Variants in FAM13B observed in about 807,000 individuals in gnomAD.
FAM13B encodes family with sequence similarity 13 member B.
In FAM13B, 60 loss-of-function variants were observed where a neutral mutation model predicts 117.3. That is an observed-to-expected ratio of 0.51 (90% CI 0.42 to 0.63). FAM13B has a LOEUF of 0.63. FAM13B is among the 30% of genes least tolerant of loss of function. The pLI is 0.00. For synonymous variants in FAM13B, 332 were observed against 356.1 expected, an observed-to-expected ratio of 0.93 and a Z score of 0.76; for missense variants, 972 against 1,091.9, an observed-to-expected ratio of 0.89 and a Z score of 1.55.
intron 17 of FAM13B, among the ~76,000 whole-genome samples, chr5:137,951,144 A>C (rs925730918): frequency 2.1e-5 from 3 of 145,456 alleles, no homozygotes; most frequent in African/African-American, 7.5e-5. Flanking sequence ...CGGGAGGTGG[A>C]AGCTGCAATG....
At position 137,940,069 on chromosome 5, in the gene FAM13B, C is replaced by T. The variant is rs1396201574; in HGVS notation, c.*156G>A. Reference sequence around the variant, plus strand: ...TCCCTTGAGAGGGCCTACTTACTCTCCCATCATTTGTTTTGTTTAGTGGCA... The same window carrying T: ...TCCCTTGAGAGGGCCTACTTACTCTTCCATCATTTGTTTTGTTTAGTGGCA... On this transcript the variant is annotated 3_prime_UTR_variant, in exon 24 of 24. Coordinates refer to ENST00000689681, the MANE Select transcript of FAM13B (RefSeq NM_001385994.1). 6.2e-7 allele frequency: 1 copy of T among 1,614,070 alleles called. No homozygotes were observed. Among genetic ancestry groups the T allele is most frequent in the Non-Finnish European group, 8.5e-7 (1 of 1,179,964 alleles).
chr5:137,969,813 G>A (rs1435647519), intron 10 of FAM13B, among the ~76,000 whole-genome samples: 1 of 152,220 alleles, frequency 6.6e-6, no homozygotes, highest in Admixed American at 6.5e-5. Flanking sequence ...CGTGAAGAAT[G>A]CAGAAGCCTC....
chr5:137,983,193 A>T (rs1377738667), intron 10 of FAM13B, among the ~76,000 whole-genome samples: 2 of 15,820 alleles, frequency 1.3e-4, no homozygotes, highest in Non-Finnish European at 4.1e-4. Flanking sequence ...AAAAAAAAAA[A>T]AAAAAAAAAA....
At chr5:137,977,713 G>A (rs1193615499) in intron 10 of FAM13B, among the ~76,000 whole-genome samples, 2 of 152,138 alleles carry the variant, frequency 1.3e-5, no homozygotes, top group African/African-American at 4.8e-5. Context: ...CAAAACTTGT[G>A]CAAAAGGCAT....
chr5:138,046,871 G>A (rs1012793597), intron 1 of FAM13B, among the ~76,000 whole-genome samples: 7 of 151,836 alleles, frequency 4.6e-5, no homozygotes, highest in African/African-American at 9.7e-5. Context: ...TCAGCCTCCC[G>A]AGTAGCTGGG....
At chr5:137,997,813 T>C (rs1258494481) in intron 7 of FAM13B, among the ~76,000 whole-genome samples, 2 of 152,194 alleles carry the variant, frequency 1.3e-5, no homozygotes, top group Non-Finnish European at 2.9e-5. Flanking sequence ...TTCAAAACCG[T>C]CTATGAAAGA....
chr5:138,010,625 T>C (rs1470422830), intron 6 of FAM13B, among the ~76,000 whole-genome samples: 1 of 152,164 alleles, frequency 6.6e-6, no homozygotes, highest in East Asian at 1.9e-4. Context: ...ACTTCAAATT[T>C]TTAAAAATGT....
intron 15 of FAM13B, 29 bp from the exon 16 acceptor site, chr5:137,953,494 T>TA (rs1765601555): frequency 1.1e-5 from 17 of 1,610,154 alleles, no homozygotes; most frequent in Middle Eastern, 1.7e-4. Flanking sequence ...CCAACACTGT[T>TA]AAATTTTCAA....
intron 1 of FAM13B, among the ~76,000 whole-genome samples, chr5:138,041,094 C>T (rs1288094181): frequency 6.7e-6 from 1 of 148,818 alleles, no homozygotes; most frequent in Non-Finnish European, 1.5e-5. Context: ...AAAGAAAAGA[C>T]ACTAATCTTC....
At position 137,959,683 on chromosome 5, in the gene FAM13B, C is replaced by A. The variant is rs763108921; in HGVS notation, c.1374G>T (p.Gly458=). ...GTGGAATACTGACACACGCTGCTTC[C>A]CCTTGAACACCAACACTCTGACCTC... is the stretch of plus-strand genomic sequence containing the variant. The part of the protein sequence containing the change: ...VPGGQSVGVQ[G]EAACVSIPHL... Residue 458 remains glycine (G), a synonymous_variant, in exon 13 of 24, where the codon GGG becomes GGT. Coordinates refer to ENST00000689681, the MANE Select transcript of FAM13B (RefSeq NM_001385994.1). The A allele has an allele frequency of 6.2e-7, 1 of 1,613,964 alleles. No homozygotes were observed. The highest frequency in any genetic ancestry group is 2.2e-5 in the East Asian group (1 of 44,874).
At chr5:138,001,467 T>C (rs1254638525) in intron 7 of FAM13B, among the ~76,000 whole-genome samples, 2 of 152,240 alleles carry the variant, frequency 1.3e-5, no homozygotes, top group Non-Finnish European at 2.9e-5. Flanking sequence ...ATATATGTAA[T>C]TTTAATCATA....
intron 1 of FAM13B, among the ~76,000 whole-genome samples, chr5:138,049,067 G>A (rs776632222): frequency 6.6e-6 from 1 of 150,422 alleles, no homozygotes; most frequent in African/African-American, 2.4e-5. Flanking sequence ...TCAGCCACCC[G>A]ACTAGCTGGA....
At position 137,943,296 on chromosome 5, in the gene FAM13B, G is replaced by C. The variant is rs1288339874; in HGVS notation, c.2341-80C>G. On this transcript the variant is annotated intron_variant, in intron 20 of 23. Coordinates refer to ENST00000689681, the MANE Select transcript of FAM13B (RefSeq NM_001385994.1). ...GTGAAGCTTCCCTTCATTATGTTAC[G>C]AATCTTCAACTTTATTTTCAAAATC... 3.7e-6 allele frequency: 4 copies of C among 1,089,972 alleles called. No individual in the cohort carries two copies. The Admixed American group carries it at 8.8e-5, about 24-fold the overall frequency. The allele number at this position is 1,089,972 out of a possible 1,614,324, so 67.5% of individuals were successfully genotyped here.
chr5:137,955,362 TATAATATATATTTTA>T (rs35197285), intron 14 of FAM13B, among the ~76,000 whole-genome samples: 112,206 of 152,016 alleles, frequency 0.74, 42,073 homozygotes, highest in East Asian at 0.97. Flanking sequence ...GATTCCTATG[TATAATATATATTTTA>T]ATAATACCCA....
chr5:137,967,265 C>T (rs1770294683), intron 10 of FAM13B, among the ~76,000 whole-genome samples: 1 of 152,136 alleles, frequency 6.6e-6, no homozygotes, highest in South Asian at 2.1e-4. Flanking sequence ...GTGGCTTATG[C>T]CTGTAATCCC....
At chr5:137,950,202 TCA>T (rs1491113929) in intron 17 of FAM13B, among the ~76,000 whole-genome samples, 1 of 151,980 alleles carries the variant, frequency 6.6e-6, no homozygotes, top group African/African-American at 2.4e-5. Flanking sequence ...CAGGGTAGAG[TCA>T]CAGCGCTAAA....
intron 10 of FAM13B, among the ~76,000 whole-genome samples, chr5:137,976,933 G>A (rs1357358221): frequency 6.6e-6 from 1 of 152,174 alleles, no homozygotes; most frequent in African/African-American, 2.4e-5. Flanking sequence ...AATGTTCAGG[G>A]AACAAGAGAG....
intron 6 of FAM13B, 103 bp from the exon 7 acceptor site, chr5:138,007,250 T>C: frequency 1.1e-6 from 1 of 899,192 alleles, no homozygotes; most frequent in South Asian, 2.1e-5. Flanking sequence ...AACTCATTTT[T>C]ATTTCCTCAT....
chr5:138,003,682 TG>T (rs1256258241), intron 7 of FAM13B, among the ~76,000 whole-genome samples: 1 of 152,142 alleles, frequency 6.6e-6, no homozygotes, highest in African/African-American at 2.4e-5. Context: ...AGTTCCACGC[TG>T]GCCATGGGAA....
Sources: gnomAD v4.1 joint callset for allele counts (sites outside exome capture counted in the v4.1 genomes callset) on GRCh38, gnomAD v4.1.1 for gene constraint, MANE v1.5 for transcripts, NCBI Gene and HGNC (gene_info 2026-07-23, HGNC 2026-07-21) for gene names.